The following GRB14 variants were observed in gnomAD, a reference collection of about 807,000 sequenced individuals.
GRB14 encodes the protein growth factor receptor bound protein 14, also known as growth factor receptor-bound protein 14.
A neutral mutation model predicts 69.1 loss-of-function variants in GRB14; 38 were observed. The ratio of observed to expected loss-of-function variants is 0.55; its 90% CI spans 0.42 to 0.72. The LOEUF is 0.72. Among genes scored for constraint, GRB14 ranks in the 30% least tolerant of loss-of-function variants. The pLI is 0.00. For missense variants in GRB14, 666 were observed against 666.1 expected, an observed-to-expected ratio of 1.00 and a Z score of 0.00; for synonymous variants, 247 against 241.3, an observed-to-expected ratio of 1.02 and a Z score of -0.22.
At chr2:164,607,990 G>A (rs975608985) in intron 2 of GRB14, among the ~76,000 whole-genome samples, 1 of 152,140 alleles carries the variant, frequency 6.6e-6, no homozygotes, top group Non-Finnish European at 1.5e-5. Flanking sequence ...CATATAATTG[G>A]AAAGTTAATC....
intron 2 of GRB14, among the ~76,000 whole-genome samples, chr2:164,565,410 A>G (rs1365719118): frequency 1.3e-5 from 2 of 152,218 alleles, no homozygotes; most frequent in African/African-American, 4.8e-5. Context: ...AGCTAATTCC[A>G]GACTTGAATG....
intron 2 of GRB14, among the ~76,000 whole-genome samples, chr2:164,618,171 T>C (rs1340984752): frequency 6.6e-6 from 1 of 152,066 alleles, no homozygotes; most frequent in South Asian, 2.1e-4. Flanking sequence ...TTTACCATGT[T>C]GGACAGGATG....
intron 2 of GRB14, among the ~76,000 whole-genome samples, chr2:164,597,242 GAA>G (rs1335159097): frequency 6.6e-6 from 1 of 152,134 alleles, no homozygotes; most frequent in African/African-American, 2.4e-5. Flanking sequence ...ATACAAACTA[GAA>G]ACACAGGCAA....
chr2:164,501,609 T>C (rs1397767639), intron 9 of GRB14, among the ~76,000 whole-genome samples: 1 of 152,138 alleles, frequency 6.6e-6, no homozygotes, highest in Non-Finnish European at 1.5e-5. Context: ...TGCAAATAAA[T>C]ATCCAAGTTA....
intron 3 of GRB14, among the ~76,000 whole-genome samples, chr2:164,530,354 G>T (rs562598933): frequency 1.3e-5 from 2 of 152,162 alleles, no homozygotes; most frequent in East Asian, 1.9e-4. Flanking sequence ...ATTCACAAGA[G>T]ACCTGCCCTC....
At chr2:164,565,067 T>C (rs923445740) in intron 2 of GRB14, among the ~76,000 whole-genome samples, 1 of 152,070 alleles carries the variant, frequency 6.6e-6, no homozygotes, top group African/African-American at 2.4e-5. Context: ...GATAGAGACA[T>C]GAAATATGCC....
intron 2 of GRB14, among the ~76,000 whole-genome samples, chr2:164,597,152 A>G (rs752815117): frequency 4.2e-4 from 64 of 152,336 alleles, no homozygotes; most frequent in Middle Eastern, 3.4e-3. Context: ...ACGATCAGTA[A>G]AAGTGAAAAA....
At chr2:164,514,965 T>A (rs1435657889) in intron 6 of GRB14, among the ~76,000 whole-genome samples, 4 of 152,140 alleles carry the variant, frequency 2.6e-5, no homozygotes, top group Admixed American at 6.5e-5. Flanking sequence ...GTAACCTGTA[T>A]GATGCAGCAG....
chr2:164,504,552 A>G (rs1357520122), intron 8 of GRB14, among the ~76,000 whole-genome samples: 1 of 152,078 alleles, frequency 6.6e-6, no homozygotes, highest in African/African-American at 2.4e-5. Context: ...TGATCTGGGT[A>G]TTTTACAGTG....
rs754102027 is a variant in GRB14 at position 164,494,507 on chromosome 2, T to G, written c.1400A>C (p.Asp467Ala). ...GAAAGTTTTGGGGTTACTCTGACTA[T>G]CCCGTACCAAGAAAACTCTAAAGAG... ...GLVDGVFLVR[D>A]SQSNPKTFVL... Residue 467 changes from aspartate to alanine, a missense_variant, in exon 13 of 14, where the codon GAT becomes GCT. Asp to Ala is a moderately radical substitution (Grantham distance 126). Transcript: ENST00000263915. 4 of 1,571,692 alleles carry G rather than the reference T, an allele frequency of 2.5e-6. No individual in the cohort carries two copies. The East Asian group carries it at 6.7e-5, about 26-fold the overall frequency.
chr2:164,567,624 A>G (rs1559054573), intron 2 of GRB14, among the ~76,000 whole-genome samples: 1 of 152,204 alleles, frequency 6.6e-6, no homozygotes, highest in Non-Finnish European at 1.5e-5. Flanking sequence ...AAAGTTTACT[A>G]TGACTACATG....
At chr2:164,620,471 G>A (rs1481396427) in intron 1 of GRB14, among the ~76,000 whole-genome samples, 1 of 151,902 alleles carries the variant, frequency 6.6e-6, no homozygotes, top group East Asian at 1.9e-4. Context: ...ATAGTCCACT[G>A]GAGAGTAATT....
intron 6 of GRB14, among the ~76,000 whole-genome samples, chr2:164,511,110 G>A (rs1401859367): frequency 3.3e-5 from 5 of 152,188 alleles, no homozygotes; most frequent in Non-Finnish European, 7.3e-5. Context: ...GTTGGAACTC[G>A]AGTTCTGGCG....
At chr2:164,554,692 T>C (rs16849574) in intron 2 of GRB14, among the ~76,000 whole-genome samples, 14,758 of 152,132 alleles carry the variant, frequency 0.097, 1,048 homozygotes, top group East Asian at 0.34. Flanking sequence ...GCAAATTTAA[T>C]ACGTAGTCAC....
chr2:164,505,070 G>A (rs922036323), intron 8 of GRB14, among the ~76,000 whole-genome samples: 14 of 152,174 alleles, frequency 9.2e-5, no homozygotes, highest in African/African-American at 2.7e-4. Flanking sequence ...CCAACACCTT[G>A]ACTTAATCCA....
At chr2:164,587,940 T>G (rs916928324) in intron 2 of GRB14, among the ~76,000 whole-genome samples, 1 of 151,816 alleles carries the variant, frequency 6.6e-6, no homozygotes, top group East Asian at 1.9e-4. Context: ...AAGGCAGTGT[T>G]TGCCATGATA....
At chr2:164,575,285 A>G (rs1689226417) in intron 2 of GRB14, among the ~76,000 whole-genome samples, 2 of 152,200 alleles carry the variant, frequency 1.3e-5, no homozygotes, top group South Asian at 4.1e-4. Context: ...AAATATATAA[A>G]ATCTTGTTTT....
chr2:164,567,231 A>G (rs540236427), intron 2 of GRB14, among the ~76,000 whole-genome samples: 44 of 152,206 alleles, frequency 2.9e-4, no homozygotes, highest in Non-Finnish European at 5.1e-4. Flanking sequence ...TGTTGGCAAA[A>G]TTATCATATA....
chr2:164,579,303 T>C (rs1689333891), intron 2 of GRB14, among the ~76,000 whole-genome samples: 2 of 152,172 alleles, frequency 1.3e-5, no homozygotes, highest in Admixed American at 1.3e-4. Context: ...AAAACACTTC[T>C]GATATTAAAC....
Sources: allele counts gnomAD v4.1 joint callset (sites outside exome capture counted in the v4.1 genomes callset), GRCh38; gene constraint gnomAD v4.1.1; transcripts MANE v1.5; gene names NCBI Gene and HGNC (gene_info 2026-07-23, HGNC 2026-07-21).